The following TSPAN18 variants were observed in gnomAD, a reference collection of about 807,000 sequenced individuals.
The protein encoded by TSPAN18 is tetraspanin 18, also known as tetraspanin-18.
TSPAN18 carries 14 observed loss-of-function variants against 27.3 expected under a neutral mutation model. That is an observed-to-expected ratio of 0.51 (90% confidence interval 0.34 to 0.80). TSPAN18 has a LOEUF of 0.80. TSPAN18 is among the 30% of genes least tolerant of loss of function. The probability of loss-of-function intolerance (pLI) is 0.01; values close to 1 mark genes in which losing one functional copy is unlikely to be tolerated. For missense variants in TSPAN18, 268 were observed against 323.9 expected, an observed-to-expected ratio of 0.83 and a Z score of 1.32; for synonymous variants, 143 against 136.5, an observed-to-expected ratio of 1.05 and a Z score of -0.33.
intron 3 of TSPAN18, among the ~76,000 whole-genome samples, chr11:44,895,830 G>A (rs1305629523): frequency 6.6e-6 from 1 of 152,222 alleles, no homozygotes; most frequent in African/African-American, 2.4e-5. Flanking sequence ...GGACTGGGAT[G>A]CAGCAGGAGA....
At chr11:44,775,158 C>A (rs558531019) in intron 2 of TSPAN18, among the ~76,000 whole-genome samples, 1 of 152,356 alleles carries the variant, frequency 6.6e-6, no homozygotes, top group African/African-American at 2.4e-5. Context: ...GGATGCCCAG[C>A]TAAATCTGGA....
chr11:44,783,600 T>C (rs1176670170), intron 2 of TSPAN18, among the ~76,000 whole-genome samples: 2 of 152,076 alleles, frequency 1.3e-5, no homozygotes, highest in Non-Finnish European at 2.9e-5. Context: ...GGTTTCACCA[T>C]GTTGGCCAGG....
rs188456523 is a variant in TSPAN18, at chr11:44,749,009, T to C, written c.-239-15417T>C. 3.9e-5 allele frequency among the ~76,000 whole-genome samples: 6 copies of C among 152,236 alleles called. No individual in the cohort carries two copies. In the East Asian group the frequency reaches 1.2e-3, roughly 29 times the overall value. The stretch of plus-strand genomic sequence containing the variant: ...TTTTTGGGATGATAAGACTGGTGCA[T>C]GGTGAGGCTAGGTAAGTACCTGGCC... On this transcript the variant is annotated intron_variant, in intron 1 of 9. Transcript: ENST00000520358.
chr11:44,854,881 T>A (rs1051847733), intron 2 of TSPAN18, among the ~76,000 whole-genome samples: 2 of 152,228 alleles, frequency 1.3e-5, no homozygotes, highest in Non-Finnish European at 2.9e-5. Flanking sequence ...TCTAATTTGG[T>A]TTGTACTAAT....
intron 1 of TSPAN18, among the ~76,000 whole-genome samples, chr11:44,761,089 G>A (rs1254921564): frequency 6.6e-6 from 1 of 152,146 alleles, no homozygotes; most frequent in African/African-American, 2.4e-5. Flanking sequence ...TAGATAGGTC[G>A]CTTGCTCTGG....
At chr11:44,863,302 G>C (rs1230351975) in intron 3 of TSPAN18, among the ~76,000 whole-genome samples, 1 of 152,228 alleles carries the variant, frequency 6.6e-6, no homozygotes, top group East Asian at 1.9e-4. Context: ...GACTGTGCCA[G>C]GCAGGAAGCC....
intron 2 of TSPAN18, among the ~76,000 whole-genome samples, chr11:44,843,914 C>T (rs1039925775): frequency 6.6e-6 from 1 of 152,170 alleles, no homozygotes; most frequent in South Asian, 2.1e-4. Flanking sequence ...AACACACATG[C>T]TGTAGAATTT....
intron 1 of TSPAN18, among the ~76,000 whole-genome samples, chr11:44,734,147 T>G (rs1854731191): frequency 6.6e-6 from 1 of 152,130 alleles, no homozygotes; most frequent in Non-Finnish European, 1.5e-5. Context: ...CCTTCTGCCC[T>G]GAGTGGAAGC....
chr11:44,919,344 T>A (rs1479883076), intron 7 of TSPAN18, 32 bp downstream of exon 7: 1 of 1,582,418 alleles, frequency 6.3e-7, no homozygotes, highest in African/African-American at 1.3e-5. Flanking sequence ...CTATGAACAT[T>A]CAGAGCCACG....
chr11:44,759,038 C>G (rs1855392811), intron 1 of TSPAN18, among the ~76,000 whole-genome samples: 1 of 152,190 alleles, frequency 6.6e-6, no homozygotes, highest in African/African-American at 2.4e-5. Flanking sequence ...TTTTATAGTT[C>G]CCCCAAAATG....
At position 44,909,677 on chromosome 11, in the gene TSPAN18, C is replaced by T. The variant is rs747932382; in HGVS notation, c.64-28C>T. 4 of 1,594,098 alleles carry T rather than the reference C, an allele frequency of 2.5e-6. No individual in the cohort carries two copies. In the African/African-American group the frequency reaches 4.0e-5, roughly 16 times the overall value. ...TAACCTCCCTTTCTGCCTGTTTCTC[C>T]TCCCAACTCCTCCACTGGCCCGAGC... On this transcript the variant is annotated intron_variant, in intron 4 of 9. Coordinates refer to ENST00000520358, the MANE Select transcript of TSPAN18 (RefSeq NM_130783.5).
At chr11:44,808,545 G>A (rs962752740) in intron 2 of TSPAN18, among the ~76,000 whole-genome samples, 4 of 152,214 alleles carry the variant, frequency 2.6e-5, no homozygotes, top group African/African-American at 9.6e-5. Context: ...TTTCTCTGCA[G>A]CATAGGAGTG....
At chr11:44,790,402 T>A (rs772028754) in intron 2 of TSPAN18, among the ~76,000 whole-genome samples, 1 of 146,576 alleles carries the variant, frequency 6.8e-6, no homozygotes, top group Non-Finnish European at 1.5e-5. Context: ...TGCTCTTGCT[T>A]GTACGTGTGT....
chr11:44,861,475 G>A (rs1038311357), intron 3 of TSPAN18, among the ~76,000 whole-genome samples: 23 of 146,752 alleles, frequency 1.6e-4, no homozygotes, highest in Non-Finnish European at 2.4e-4. Context: ...TCGGTGCTGG[G>A]CGGGGGGTCG....
At chr11:44,919,756 C>A in intron 7 of TSPAN18, 61 bp from the exon 8 acceptor site, 1 of 1,543,224 alleles carries the variant, frequency 6.5e-7, no homozygotes, top group South Asian at 1.1e-5. Context: ...ATGTCCTTCT[C>A]TGTCCCCGCC....
intron 3 of TSPAN18, among the ~76,000 whole-genome samples, chr11:44,904,885 G>T (rs1355173233): frequency 6.6e-6 from 1 of 152,176 alleles, no homozygotes; most frequent in Non-Finnish European, 1.5e-5. Flanking sequence ...CCTACAAGCT[G>T]TGTGGCCTTG....
chr11:44,881,404 TATC>T (rs1386135392), intron 3 of TSPAN18, among the ~76,000 whole-genome samples: 1 of 152,150 alleles, frequency 6.6e-6, no homozygotes, highest in Non-Finnish European at 1.5e-5. Context: ...GCAGCTGTAA[TATC>T]ATGACGAGAA....
chr11:44,789,515 G>A (rs1460677504), intron 2 of TSPAN18, among the ~76,000 whole-genome samples: 1 of 152,198 alleles, frequency 6.6e-6, no homozygotes, highest in Non-Finnish European at 1.5e-5. Context: ...GGGGATTGTA[G>A]AAATTTGATG....
At chr11:44,837,876 A>G (rs1256129921) in intron 2 of TSPAN18, among the ~76,000 whole-genome samples, 1 of 152,278 alleles carries the variant, frequency 6.6e-6, no homozygotes, top group African/African-American at 2.4e-5. Context: ...ACTTAATAAC[A>G]GTATGGTGTA....
Sources: allele counts gnomAD v4.1 joint callset (sites outside exome capture counted in the v4.1 genomes callset), GRCh38; gene constraint gnomAD v4.1.1; transcripts MANE v1.5; gene names NCBI Gene and HGNC (gene_info 2026-07-23, HGNC 2026-07-21).